Variants in CLEC16A observed in about 807,000 individuals in gnomAD.
CLEC16A encodes the protein C-type lectin domain containing 16A, also known as protein CLEC16A.
Under a neutral mutation model 109.5 loss-of-function variants are expected in CLEC16A, and 51 were observed. The ratio of observed to expected loss-of-function variants is 0.47; its 90% CI spans 0.37 to 0.59. The LOEUF (loss-of-function observed/expected upper bound fraction) is 0.59, where lower values mean the gene tolerates loss of function less well. CLEC16A is among the 20% of genes least tolerant of loss of function. The pLI, the probability that CLEC16A is intolerant of heterozygous loss-of-function variation, is 0.00. For missense variants in CLEC16A, 1,339 were observed against 1,394.0 expected, an observed-to-expected ratio of 0.96 and a Z score of 0.63; for synonymous variants, 673 against 564.2, an observed-to-expected ratio of 1.19 and a Z score of -2.73.
chr16:11,008,378 C>T (rs2045170314), intron 11 of CLEC16A, among the ~76,000 whole-genome samples: 2 of 152,232 alleles, frequency 1.3e-5, no homozygotes, highest in East Asian at 1.9e-4. Context: ...TAATCAGATT[C>T]GAATGGACAT....
chr16:11,145,143 C>T (rs2053999150), intron 22 of CLEC16A, among the ~76,000 whole-genome samples: 1 of 152,116 alleles, frequency 6.6e-6, no homozygotes, highest in South Asian at 2.1e-4. Flanking sequence ...CCCCTGCTCC[C>T]GATTACCTGT....
At chr16:11,172,342 T>A (rs529544826) in intron 23 of CLEC16A, among the ~76,000 whole-genome samples, 7 of 152,126 alleles carry the variant, frequency 4.6e-5, no homozygotes, top group South Asian at 4.2e-4. Flanking sequence ...ACACACACAC[T>A]CTGAGTGAGA....
At chr16:11,070,227 C>T (rs551421298) in intron 19 of CLEC16A, among the ~76,000 whole-genome samples, 153 of 152,268 alleles carry the variant, frequency 1.0e-3, no homozygotes, top group African/African-American at 3.5e-3. Context: ...CGTGCCACCA[C>T]GCCCAGCTAA....
intron 22 of CLEC16A, among the ~76,000 whole-genome samples, chr16:11,161,528 C>G (rs944006301): frequency 3.3e-5 from 5 of 152,164 alleles, no homozygotes; most frequent in Middle Eastern, 3.4e-3. Context: ...TTCCACATCC[C>G]CACTCCTATG....
intron 18 of CLEC16A, among the ~76,000 whole-genome samples, chr16:11,058,740 T>C (rs2040190252): frequency 6.6e-6 from 1 of 152,198 alleles, no homozygotes; most frequent in Admixed American, 6.5e-5. Context: ...AGGTTACAGT[T>C]TTTCAGAGTG....
chr16:10,979,582 A>G (rs915803745), intron 9 of CLEC16A, among the ~76,000 whole-genome samples, 200 bp downstream of exon 9: 1 of 152,154 alleles, frequency 6.6e-6, no homozygotes, highest in African/African-American at 2.4e-5. Flanking sequence ...ATGGTAGGAG[A>G]TGGAAATCCA....
At chr16:11,062,789 C>A (rs1356886398) in intron 19 of CLEC16A, among the ~76,000 whole-genome samples, 2 of 151,930 alleles carry the variant, frequency 1.3e-5, no homozygotes, top group East Asian at 1.9e-4. Context: ...TGAGAAATGG[C>A]CACAGGAATT....
chr16:10,966,365 T>C (rs556675403), intron 3 of CLEC16A, among the ~76,000 whole-genome samples: 3 of 152,230 alleles, frequency 2.0e-5, no homozygotes, highest in Non-Finnish European at 2.9e-5. Context: ...AAAACGAGTC[T>C]GATGTGCTAG....
At position 10,954,214 on chromosome 16, in the gene CLEC16A, C is replaced by T. The variant is rs554783054; in HGVS notation, c.81-3568C>T. 9.9e-5 allele frequency among the ~76,000 whole-genome samples: 15 copies of T among 152,238 alleles called. No homozygotes were observed. The highest frequency in any genetic ancestry group is 2.9e-4 in the African/African-American group (12 of 41,544). On this transcript the variant is annotated intron_variant, in intron 1 of 23. Transcript: ENST00000409790. The surrounding 1 kb of genome is among the most constrained non-coding windows in gnomAD (Gnocchi z 4.2). The stretch of plus-strand genomic sequence containing the variant: ...TTCTTCCTGGCCACAGGTCTGTGGG[C>T]GAGCTACTGAACGTCGCCAAACCTC...
At chr16:10,974,056 G>A (rs999545237) in intron 7 of CLEC16A, among the ~76,000 whole-genome samples, 4 of 151,380 alleles carry the variant, frequency 2.6e-5, no homozygotes, top group African/African-American at 4.9e-5. Flanking sequence ...GCACCACCAC[G>A]CCTGGCTAAT....
intron 19 of CLEC16A, among the ~76,000 whole-genome samples, chr16:11,101,976 CTTTT>C (rs35871397): frequency 7.7e-6 from 1 of 129,554 alleles, no homozygotes; most frequent in Admixed American, 7.8e-5. Context: ...ATAATTTTTG[CTTTT>C]TTTTTTTTTT....
intron 10 of CLEC16A, among the ~76,000 whole-genome samples, chr16:10,992,076 T>G (rs1189742051): frequency 6.6e-6 from 1 of 152,332 alleles, no homozygotes; most frequent in East Asian, 1.9e-4. Flanking sequence ...GCTTATAACC[T>G]GGCCCCAGGA....
intron 19 of CLEC16A, among the ~76,000 whole-genome samples, chr16:11,101,037 C>A (rs377473120): frequency 6.6e-6 from 1 of 152,304 alleles, no homozygotes; most frequent in Middle Eastern, 3.4e-3. Flanking sequence ...ATAGTAGATA[C>A]ACAGTAACTG....
Position 11,178,605 on chromosome 16 carries a change from C to T in CLEC16A, c.3077C>T (p.Pro1026Leu), listed in dbSNP as rs536870117. Residue 1026 changes from proline (P) to leucine (L), a missense_variant, in exon 24 of 24, where the codon CCG becomes CTG. Physicochemically the swap from Pro to Leu is moderately conservative, Grantham distance 98 (BLOSUM62 -3). Coordinates refer to ENST00000409790, the MANE Select transcript of CLEC16A (RefSeq NM_015226.3). This position sits in a 1 kb window ranked among gnomAD's most constrained non-coding sequence, Gnocchi z 6.5. ...HSLRSLTGMP[P>L]LSTPAAACTE... ...CTCCGCAGCCTCACCGGCATGCCCC[C>T]GCTGTCCACGCCGGCTGCCGCCTGC... 2.4e-5 allele frequency: 39 copies of T among 1,605,558 alleles called. No individual in the cohort carries two copies. In the Middle Eastern group the frequency reaches 6.6e-4, roughly 27 times the overall value.
intron 22 of CLEC16A, among the ~76,000 whole-genome samples, chr16:11,142,439 G>A (rs1254784179): frequency 6.6e-6 from 1 of 152,262 alleles, no homozygotes; most frequent in Non-Finnish European, 1.5e-5. Flanking sequence ...CTAAGCAGCT[G>A]TCTAGGCTTC....
At chr16:11,111,739 A>G (rs1322144278) in intron 19 of CLEC16A, among the ~76,000 whole-genome samples, 4 of 152,238 alleles carry the variant, frequency 2.6e-5, no homozygotes, top group Non-Finnish European at 1.5e-5. Context: ...TCAAAAGAGC[A>G]GGCATTAGGC....
chr16:11,039,989 A>G, intron 14 of CLEC16A, 113 bp downstream of exon 14: 1 of 1,310,974 alleles, frequency 7.6e-7, no homozygotes, highest in South Asian at 1.5e-5. Flanking sequence ...ATCCGGGCCC[A>G]TCCCAACCTC....
chr16:10,997,027 C>A (rs1320964599), intron 10 of CLEC16A, among the ~76,000 whole-genome samples: 1 of 152,192 alleles, frequency 6.6e-6, no homozygotes, highest in Non-Finnish European at 1.5e-5. Flanking sequence ...AGTGGCACGA[C>A]CACAGCTCAC....
chr16:10,982,903 C>T lies in CLEC16A; in HGVS notation c.983C>T (p.Pro328Leu), dbSNP rs1246786719. The change falls in exon 10 of 24, where the codon CCG becomes CTG. Residue 328 changes from proline (P) to leucine (L), a missense_variant. By Grantham distance (98) the Pro-to-Leu change is moderately conservative. This residue lies in a region of CLEC16A where 1,061 missense variants were observed against 1,006.8 expected (regional missense o/e 1.05). Transcript: ENST00000409790. ...GTCTTCTTAATTATACATCATGCAC[C>T]GCTGGTGAACTCGTTAGCTGAAGTC... The part of the protein sequence containing the change: ...SQVFLIIHHA[P>L]LVNSLAEVIL... 5 of 1,608,830 alleles carry T rather than the reference C, an allele frequency of 3.1e-6. No individual in the cohort carries two copies. Among genetic ancestry groups the T allele is most frequent in the Non-Finnish European group, 3.4e-6 (4 of 1,175,402 alleles).
Sources: gnomAD v4.1 joint callset for allele counts (sites outside exome capture counted in the v4.1 genomes callset) on GRCh38, gnomAD v4.1.1 for gene constraint, gnomAD v4.1.1 regional missense constraint, Gnocchi (gnomAD v3.1) non-coding constraint, MANE v1.5 for transcripts, NCBI Gene and HGNC (gene_info 2026-07-23, HGNC 2026-07-21) for gene names.